The following RGS9 variants were observed in gnomAD, a reference collection of about 807,000 sequenced individuals.
RGS9 encodes regulator of G-protein signalling 9.
RGS9 carries 78 observed loss-of-function variants against 102.0 expected under a neutral mutation model. That is an observed-to-expected ratio of 0.76 (90% CI 0.64 to 0.92). RGS9 has a LOEUF of 0.92. RGS9 is among the 40% of genes least tolerant of loss of function. The pLI is 0.00. For synonymous variants in RGS9, 353 were observed against 318.6 expected (o/e 1.11, Z -1.15); for missense variants, 833 against 866.1 (o/e 0.96, Z 0.48).
At chr17:65,187,431 C>T (rs1293268949) in intron 9 of RGS9, among the ~76,000 whole-genome samples, 1 of 152,198 alleles carries the variant, frequency 6.6e-6, no homozygotes, top group Non-Finnish European at 1.5e-5. Flanking sequence ...TCCTAATCCC[C>T]TATGCAGGAA....
At chr17:65,209,837 G>T (rs1913220699) in intron 16 of RGS9, among the ~76,000 whole-genome samples, 1 of 152,154 alleles carries the variant, frequency 6.6e-6, no homozygotes, top group African/African-American at 2.4e-5. Context: ...CAGCACTTTG[G>T]GAGGCTGAGG....
rs536598071 is a variant in RGS9 at position 65,179,291 on chromosome 17, G to T, written c.654+1488G>T. Among the ~76,000 whole-genome samples, 3 of 152,238 alleles carry T rather than the reference G, an allele frequency of 2.0e-5. 1 individual carries two copies. The East Asian group carries it at 5.8e-4, about 29-fold the overall frequency. ...AGAGGGTCACCGGGGGAACCATTAG[G>T]TCTCTTGTCCACAAGCTGGAGAGAC... On this transcript the variant is annotated intron_variant, in intron 9 of 18. Transcript: ENST00000262406.
At chr17:65,190,674 A>G (rs1183264577) in intron 11 of RGS9, among the ~76,000 whole-genome samples, 3 of 152,194 alleles carry the variant, frequency 2.0e-5, no homozygotes, top group Non-Finnish European at 4.4e-5. Flanking sequence ...TCCCATTAAG[A>G]TAAATTGGAC....
intron 15 of RGS9, among the ~76,000 whole-genome samples, chr17:65,206,699 C>A (rs909790466): frequency 2.6e-5 from 4 of 152,014 alleles, no homozygotes; most frequent in East Asian, 1.9e-4. Flanking sequence ...AACAAACAAA[C>A]AAAAAAACCT....
At chr17:65,187,039 A>G (rs1421570712) in intron 9 of RGS9, among the ~76,000 whole-genome samples, 1 of 152,188 alleles carries the variant, frequency 6.6e-6, no homozygotes, top group Non-Finnish European at 1.5e-5. Flanking sequence ...ACAGTGCCTT[A>G]GGTTGGAAGA....
At chr17:65,155,128 G>A (rs1910721712) in intron 2 of RGS9, among the ~76,000 whole-genome samples, 2 of 152,186 alleles carry the variant, frequency 1.3e-5, no homozygotes. Context: ...GCCAGACTTT[G>A]GAAAGGCCAA....
rs1454468046 is a variant in RGS9, at chr17:65,225,391, C to G, written c.1797C>G (p.Leu599=). Residue 599 remains leucine, a synonymous_variant, in exon 18 of 19, where the codon CTC becomes CTG. Transcript: ENST00000262406. ...TGGCCTCACCTGTCTTTGCCAGGCT[C>G]TCACCCAAGTGCCCTGCTGTGTCCC... ...GCLASPVFAR[L]SPKCPAVSHG... The G allele has an allele frequency of 1.2e-6, 2 of 1,611,792 alleles. No individual in the cohort carries two copies. The highest frequency in any genetic ancestry group is 1.7e-6 in the Non-Finnish European group (2 of 1,180,040).
At chr17:65,216,269 T>G (rs1913519331) in intron 17 of RGS9, among the ~76,000 whole-genome samples, 1 of 152,162 alleles carries the variant, frequency 6.6e-6, no homozygotes, top group Non-Finnish European at 1.5e-5. Flanking sequence ...AATGTTACAT[T>G]TTTTTTAAGC....
At chr17:65,215,164 G>T (rs1183974200) in intron 17 of RGS9, among the ~76,000 whole-genome samples, 1 of 152,104 alleles carries the variant, frequency 6.6e-6, no homozygotes, top group African/African-American at 2.4e-5. Context: ...TGGTTGCTGT[G>T]GTCTCTGTCA....
chr17:65,158,477 T>C (rs1282093906), intron 3 of RGS9, 132 bp downstream of exon 3: 2 of 862,170 alleles, frequency 2.3e-6, no homozygotes, highest in African/African-American at 3.3e-5. Context: ...CCTTCGTGTG[T>C]AAAAGTACCA....
At chr17:65,164,653 G>C (rs1159831177) in intron 7 of RGS9, among the ~76,000 whole-genome samples, 1 of 152,096 alleles carries the variant, frequency 6.6e-6, no homozygotes, top group African/African-American at 2.4e-5. Flanking sequence ...TCTTATGGCG[G>C]AACAGCTTTA....
intron 17 of RGS9, 127 bp from the exon 18 acceptor site, chr17:65,224,875 A>T (rs1598012913): frequency 7.8e-7 from 1 of 1,277,222 alleles, no homozygotes; most frequent in Non-Finnish European, 1.1e-6. Context: ...GCTCCCTAGG[A>T]GGCAGCCATA....
At chr17:65,195,448 A>AAT (rs540086930) in intron 12 of RGS9, among the ~76,000 whole-genome samples, 6 of 152,130 alleles carry the variant, frequency 3.9e-5, no homozygotes, top group Non-Finnish European at 7.4e-5. Context: ...TATTGAACCA[A>AAT]ATATATATAT....
intron 11 of RGS9, among the ~76,000 whole-genome samples, 184 bp downstream of exon 11, chr17:65,190,420 T>C (rs1160749992): frequency 6.6e-6 from 1 of 152,168 alleles, no homozygotes; most frequent in East Asian, 1.9e-4. Context: ...CCGGGTCTCA[T>C]CTTGGGTTAT....
chr17:65,138,961 ACCCCTCCTCCACCCCAGCAT>A (rs1555610176), intron 1 of RGS9, among the ~76,000 whole-genome samples: 1 of 70,426 alleles, frequency 1.4e-5, no homozygotes, highest in African/African-American at 7.8e-5. Context: ...CTCCCCAGCC[ACCCCTCCTCCACCCCAGCAT>A]CCCCTCCTCC....
intron 15 of RGS9, among the ~76,000 whole-genome samples, chr17:65,207,061 A>G (rs1335801004): frequency 1.3e-5 from 2 of 152,206 alleles, no homozygotes; most frequent in Non-Finnish European, 2.9e-5. Context: ...ACGAGCATTC[A>G]TGAAGCTTCT....
intron 8 of RGS9, 151 bp from the exon 9 acceptor site, chr17:65,177,581 A>T: frequency 2.5e-6 from 2 of 792,720 alleles, no homozygotes; most frequent in Non-Finnish European, 4.6e-6. Context: ...GCTCACCTGG[A>T]GGGTTTACAC....
chr17:65,144,422 C>T (rs1910276630), intron 1 of RGS9, among the ~76,000 whole-genome samples: 1 of 152,212 alleles, frequency 6.6e-6, no homozygotes, highest in Non-Finnish European at 1.5e-5. Context: ...GGTTCCCTGG[C>T]ACGCCCACTG....
intron 12 of RGS9, among the ~76,000 whole-genome samples, chr17:65,195,892 G>A (rs1439065801): frequency 1.3e-5 from 2 of 152,204 alleles, no homozygotes; most frequent in East Asian, 1.9e-4. Context: ...AGCGGCATCC[G>A]CAGCACCAGG....
Sources: allele counts gnomAD v4.1 joint callset (sites outside exome capture counted in the v4.1 genomes callset), GRCh38; gene constraint gnomAD v4.1.1; transcripts MANE v1.5; gene names NCBI Gene and HGNC (gene_info 2026-07-23, HGNC 2026-07-21).